The following FBH1 variants were observed in gnomAD, a reference collection of about 807,000 sequenced individuals.
The protein encoded by FBH1 is DNA 3'-5' helicase 1.
In FBH1, 43 loss-of-function variants were observed where a neutral mutation model predicts 115.5. The observed-to-expected ratio is 0.37, with a 90% CI of 0.29 to 0.48. FBH1 has a LOEUF of 0.48. FBH1 is among the 20% of genes least tolerant of loss of function. The probability of loss-of-function intolerance (pLI) is 0.99; values close to 1 mark genes in which losing one functional copy is unlikely to be tolerated. For synonymous variants in FBH1, 524 were observed against 507.8 expected, an observed-to-expected ratio of 1.03 and a Z score of -0.43; for missense variants, 1,001 against 1,337.3, an observed-to-expected ratio of 0.75 and a Z score of 3.92.
chr10:5,916,832 T>C (rs1418111605), intron 10 of FBH1, among the ~76,000 whole-genome samples: 6 of 152,192 alleles, frequency 3.9e-5, no homozygotes, highest in African/African-American at 1.4e-4. Flanking sequence ...CCCATGGTGA[T>C]GGCTGTGAAT....
intron 18 of FBH1, among the ~76,000 whole-genome samples, chr10:5,926,768 C>T (rs1832675643): frequency 6.6e-6 from 1 of 152,214 alleles, no homozygotes; most frequent in Non-Finnish European, 1.5e-5. Flanking sequence ...AATTTACATG[C>T]CACACAACCC....
At position 5,936,509 on chromosome 10, in the gene FBH1, G is replaced by A; in HGVS notation, c.2883G>A (p.Val961=). 1 of 1,614,140 alleles carries A rather than the reference G, an allele frequency of 6.2e-7. No individual in the cohort carries two copies. Among genetic ancestry groups the A allele is most frequent in the South Asian group, 1.1e-5 (1 of 91,086 alleles). Residue 961 remains valine (V), a synonymous_variant, in exon 20 of 21, where the codon GTG becomes GTA. Transcript: ENST00000362091. This position sits in a 1 kb window ranked among gnomAD's most constrained non-coding sequence, Gnocchi z 5.6. ...GCAACGTCTTAAAAACAGGCGTGGT[G>A]CGCTGCTGCGTGGGACAGTGCAACA... ...LTSNVLKTGV[V]RCCVGQCNNA... is the part of the protein sequence containing the mutation.
In FBH1 at chr10:5,914,357, T is replaced by C. The variant is rs1426070710; in HGVS notation, c.1396+88T>C. The C allele has an allele frequency of 5.7e-6, 6 of 1,059,284 alleles. No homozygotes were observed. Among genetic ancestry groups the C allele is most frequent in the African/African-American group, 1.6e-5 (1 of 63,538 alleles). 65.6% of individuals were successfully genotyped at this position (1,059,284 alleles called of 1,614,324 possible). A position where few individuals can be genotyped will look rare whatever the true frequency, so the allele number is the denominator to read the frequency against. On this transcript the variant is annotated intron_variant, in intron 8 of 20. Coordinates refer to ENST00000362091, the MANE Select transcript of FBH1 (RefSeq NM_178150.3). The surrounding 1 kb of genome is among the most constrained non-coding windows in gnomAD (Gnocchi z 5.2). ...TTCCCGCTACCTGCCAGGGCATCTT[T>C]GCTCTGATCTGTCATCCAACTAATA...
chr10:5,893,033 C>A (rs780494099), intron 1 of FBH1, among the ~76,000 whole-genome samples: 6 of 152,196 alleles, frequency 3.9e-5, no homozygotes, highest in Admixed American at 3.9e-4. Context: ...AGGCCGGGCG[C>A]GGTGGCTGAC....
At chr10:5,916,030 A>G (rs540720041) in intron 9 of FBH1, 2 of 582,110 alleles carry the variant, frequency 3.4e-6, no homozygotes, top group South Asian at 2.1e-5. Flanking sequence ...GCTGGTTCCT[A>G]TTCTGGGTTG....
intron 15 of FBH1, among the ~76,000 whole-genome samples, chr10:5,922,833 C>T (rs191975808): frequency 2.5e-4 from 38 of 152,324 alleles, no homozygotes; most frequent in Non-Finnish European, 4.3e-4. Flanking sequence ...AGGCTGTCTC[C>T]TCCAGGAGCT....
chr10:5,912,054 C>T (rs1210125886), intron 6 of FBH1, among the ~76,000 whole-genome samples: 2 of 152,024 alleles, frequency 1.3e-5, no homozygotes, highest in Non-Finnish European at 2.9e-5. Context: ...AGGGATCTTA[C>T]AGGCCCCGAT....
intron 1 of FBH1, among the ~76,000 whole-genome samples, chr10:5,901,703 T>G (rs1222466341): frequency 1.3e-5 from 2 of 151,878 alleles, no homozygotes; most frequent in Admixed American, 1.3e-4. Flanking sequence ...TAGCTGGGGT[T>G]ACAGGTGCCC....
Position 5,918,462 on chromosome 10 carries a change from T to C in FBH1, c.2084T>C (p.Val695Ala). The change falls in exon 13 of 21, where the codon GTC becomes GCC. Residue 695 changes from valine to alanine, a missense_variant. By Grantham distance (64) the Val-to-Ala change is moderately conservative (BLOSUM62 0). This residue lies in a region of FBH1 where 521 missense variants were observed against 811.0 expected (regional missense o/e 0.64). Coordinates refer to ENST00000362091, the MANE Select transcript of FBH1 (RefSeq NM_178150.3). This position sits in a 1 kb window ranked among gnomAD's most constrained non-coding sequence, Gnocchi z 4.0. ...CTGTTCACAGTGCCCCACACCCACG[T>C]CTTCTATCTCACGCAGGTAAGTGCG... The part of the protein sequence containing the change: ...NALFTVPHTH[V>A]FYLTQSFRFG... 1 of 1,600,078 alleles carries C rather than the reference T, an allele frequency of 6.2e-7. No individual in the cohort carries two copies. Among genetic ancestry groups the C allele is most frequent in the Non-Finnish European group, 8.5e-7 (1 of 1,175,752 alleles).
Position 5,933,150 on chromosome 10 carries a change from G to A in FBH1, c.2830-3306G>A, listed in dbSNP as rs1833058841. 6.6e-6 allele frequency among the ~76,000 whole-genome samples: 1 copy of A among 152,122 alleles called. No individual in the cohort carries two copies. Among genetic ancestry groups the A allele is most frequent in the African/African-American group, 2.4e-5 (1 of 41,438 alleles). ...CACCTGTAATCCCAGTACTTTGGGA[G>A]GCCTAGGAGGGCGGATCACTTGATG... On this transcript the variant is annotated intron_variant, in intron 19 of 20. Transcript: ENST00000362091. This position sits in a 1 kb window ranked among gnomAD's most constrained non-coding sequence, Gnocchi z 4.9.
chr10:5,912,372 A>AT (rs1831650942), intron 6 of FBH1, among the ~76,000 whole-genome samples: 1 of 151,728 alleles, frequency 6.6e-6, no homozygotes, highest in Non-Finnish European at 1.5e-5. Flanking sequence ...AAAAAAAAAA[A>AT]AAAAATGTAG....
rs559898993 is a variant in FBH1, at chr10:5,917,686, TG to T, written c.1963+11del. The stretch of plus-strand genomic sequence containing the variant: ...CAGGACTGCACACCAGGTGATACAC[TG>T]TTCAGGACATCAGTAGTGTCAAATA... On this transcript the variant is annotated intron_variant, in intron 12 of 20. Transcript: ENST00000362091. The surrounding 1 kb of genome is among the most constrained non-coding windows in gnomAD (Gnocchi z 5.6). The T allele has an allele frequency of 5.7e-4, 915 of 1,608,166 alleles. 4 individuals carry two copies. In the African/African-American group the frequency reaches 0.011, roughly 19 times the overall value.
chr10:5,893,606 C>T lies in FBH1; in HGVS notation c.1+3260C>T, dbSNP rs551521806. Among the ~76,000 whole-genome samples the T allele has an allele frequency of 4.6e-5, 7 of 152,362 alleles. No homozygotes were observed. In the East Asian group the frequency reaches 5.8e-4, roughly 13 times the overall value. ...ATCCCATGATTCTTTCAAGACTCAA[C>T]TCTTCGTGAAGCCTTTTTCAACTTG... On this transcript the variant is annotated intron_variant, in intron 1 of 20. Transcript: ENST00000362091.
In FBH1 at chr10:5,906,337, C is replaced by T. The variant is rs758304318; in HGVS notation, c.458C>T (p.Ser153Phe). The T allele has an allele frequency of 2.5e-6, 4 of 1,614,140 alleles. No individual in the cohort carries two copies. The highest frequency in any genetic ancestry group is 1.3e-5 in the African/African-American group (1 of 74,966). ...VSKKAPRHHL[S>F]VPCTRPREAR... is the part of the protein sequence containing the mutation. The stretch of plus-strand genomic sequence containing the variant: ...AAGAAAGCTCCACGGCACCATTTGT[C>T]TGTGCCATGCACAAGGCCTAGGGAG... Residue 153 changes from serine to phenylalanine, a missense_variant, in exon 3 of 21, where the codon TCT (serine) becomes TTT (phenylalanine). Physicochemically the swap from Ser to Phe is radical, Grantham distance 155. Transcript: ENST00000362091. This position sits in a 1 kb window ranked among gnomAD's most constrained non-coding sequence, Gnocchi z 7.3.
Position 5,909,306 on chromosome 10 carries a change from G to T in FBH1, c.1020+12G>T. Reference sequence around the variant, plus strand: ...ACGCTGCTGCCGGGGTAGGTCTGGAGGCTGCGGGAGAAGGCGGCATGTTAT... The same window carrying T: ...ACGCTGCTGCCGGGGTAGGTCTGGATGCTGCGGGAGAAGGCGGCATGTTAT... On this transcript the variant is annotated intron_variant, in intron 5 of 20. Coordinates refer to ENST00000362091, the MANE Select transcript of FBH1 (RefSeq NM_178150.3). The surrounding 1 kb of genome is among the most constrained non-coding windows in gnomAD (Gnocchi z 4.4). 6.2e-7 allele frequency: 1 copy of T among 1,603,742 alleles called. No homozygotes were observed. The highest frequency in any genetic ancestry group is 8.5e-7 in the Non-Finnish European group (1 of 1,178,112).
At position 5,925,529 on chromosome 10, in the gene FBH1, T is replaced by G. The variant is rs201948498; in HGVS notation, c.2722+37T>G. 1 of 1,611,104 alleles carries G rather than the reference T, an allele frequency of 6.2e-7. No individual in the cohort carries two copies. The highest frequency in any genetic ancestry group is 8.5e-7 in the Non-Finnish European group (1 of 1,179,114). ...CCGGGTAGTGTCAGGTGCTGCTGTA[T>G]GTAGTGAGTGGTGACTGGAATGCTT... is the stretch of plus-strand genomic sequence containing the variant. On this transcript the variant is annotated intron_variant, in intron 18 of 20. Transcript: ENST00000362091. This position sits in a 1 kb window ranked among gnomAD's most constrained non-coding sequence, Gnocchi z 4.6.
In FBH1 at chr10:5,910,893, A is replaced by G. The variant is rs1213468916; in HGVS notation, c.1021-45A>G. On this transcript the variant is annotated intron_variant, in intron 5 of 20. Transcript: ENST00000362091. This position sits in a 1 kb window ranked among gnomAD's most constrained non-coding sequence, Gnocchi z 4.8. ...CTTCCTGCTGTGATTCGTATTAACC[A>G]TGGCCTGTGGGCTGTCCCTCCCTCC... 2 of 1,550,698 alleles carry G rather than the reference A, an allele frequency of 1.3e-6. No homozygotes were observed. Among genetic ancestry groups the G allele is most frequent in the East Asian group, 2.3e-5 (1 of 44,436 alleles).
chr10:5,916,423 A>G lies in FBH1; in HGVS notation c.1755A>G (p.Gly585=). The G allele has an allele frequency of 6.2e-7, 1 of 1,613,840 alleles. No individual in the cohort carries two copies. Among genetic ancestry groups the G allele is most frequent in the Non-Finnish European group, 8.5e-7 (1 of 1,179,892 alleles). The stretch of plus-strand genomic sequence containing the variant: ...CTATTTGGTGTAAGAACAGCCAAGG[A>G]CAGAGAGTCATGGTTGAGCAGAGTG... ...HVPIWCKNSQ[G]QRVMVEQSEK... The change falls in exon 10 of 21, where the codon GGA becomes GGG. Residue 585 remains glycine, a synonymous_variant. Transcript: ENST00000362091.
At position 5,903,618 on chromosome 10, in the gene FBH1, C is replaced by T. The variant is rs564362786; in HGVS notation, c.157+443C>T. The stretch of plus-strand genomic sequence containing the variant: ...TGCTGGGATTACAGGTGTGAGCCAC[C>T]GCGCCCCGCCGAGTTTTCCATGAAA... On this transcript the variant is annotated intron_variant, in intron 2 of 20. Transcript: ENST00000362091. Among the ~76,000 whole-genome samples, 376 of 152,148 alleles carry T rather than the reference C, an allele frequency of 2.5e-3. 1 individual carries two copies. The highest frequency in any genetic ancestry group is 7.9e-3 in the African/African-American group (326 of 41,508).
Sources: allele counts gnomAD v4.1 joint callset (sites outside exome capture counted in the v4.1 genomes callset), GRCh38; gene constraint gnomAD v4.1.1; regional missense constraint gnomAD v4.1.1; non-coding constraint Gnocchi (gnomAD v3.1); transcripts MANE v1.5; gene names NCBI Gene and HGNC (gene_info 2026-07-23, HGNC 2026-07-21).